CNGB1: variants seen among roughly 807,000 people sequenced by gnomAD.
CNGB1 encodes cyclic nucleotide gated channel subunit beta 1.
A neutral mutation model predicts 151.7 loss-of-function variants in CNGB1; 126 were observed. The ratio of observed to expected loss-of-function variants is 0.83; its 90% CI spans 0.72 to 0.96. CNGB1 has a LOEUF of 0.96. CNGB1 is among the 40% of genes least tolerant of loss of function. CNGB1 has a pLI of 0.00. For missense variants in CNGB1, 1,698 were observed against 1,627.0 expected (o/e 1.04, Z -0.75); for synonymous variants, 623 against 635.1 (o/e 0.98, Z 0.29).
rs1231250334 is a variant in CNGB1, at chr16:57,901,552, GA to G, written c.2867del (p.Ile956ThrfsTer15). On this transcript the variant is annotated frameshift_variant, in exon 28 of 33. Coordinates refer to ENST00000251102, the MANE Select transcript of CNGB1 (RefSeq NM_001297.5). LOFTEE classifies it high-confidence loss of function. ...CCTGAAAGAGTGCGACTTTGCTAAC[GA>G]TGTTGTAGTTCACGTCGATGGCGAG... ...LDLAIDVNYN[I>X]VSKVALFQGC... is the part of the protein sequence containing the mutation. 6 of 1,614,028 alleles carry G rather than the reference GA, an allele frequency of 3.7e-6. No homozygotes were observed. Among genetic ancestry groups the G allele is most frequent in the Non-Finnish European group, 4.2e-6 (5 of 1,180,012 alleles).
intron 17 of CNGB1, among the ~76,000 whole-genome samples, chr16:57,929,407 G>C (rs1250233447): frequency 6.6e-6 from 1 of 150,940 alleles, no homozygotes; most frequent in Non-Finnish European, 1.5e-5. Context: ...AAAGCAAAGG[G>C]GAAGCAAGGC....
At chr16:57,885,382 A>C (rs1182631802) in intron 32 of CNGB1, among the ~76,000 whole-genome samples, 2 of 152,066 alleles carry the variant, frequency 1.3e-5, no homozygotes, top group Non-Finnish European at 2.9e-5. Context: ...CAAGAACCCA[A>C]GGCCTCTCTT....
intron 14 of CNGB1, among the ~76,000 whole-genome samples, chr16:57,943,200 C>T (rs1339403103): frequency 6.6e-6 from 1 of 152,070 alleles, no homozygotes; most frequent in Non-Finnish European, 1.5e-5. Context: ...AGGAAAAAAA[C>T]TGATTTTAAA....
chr16:57,948,469 A>G (rs565209083), intron 14 of CNGB1, among the ~76,000 whole-genome samples: 4 of 151,820 alleles, frequency 2.6e-5, no homozygotes, highest in African/African-American at 9.7e-5. Context: ...TTCCTGAAAC[A>G]CTAACTTGGC....
rs773046751 is a variant in CNGB1 at position 57,964,539 on chromosome 16, G to C, written c.165C>G (p.Pro55=). ...CTTCCTCCTCCTTGAATGACTCTTC[G>C]GGGGGCTAGAGGGTTCGAACAGGAT... ...EAETESESMP[P]EESFKEEEVA... Residue 55 remains proline, a synonymous_variant, in exon 3 of 33, where the codon CCC becomes CCG. Coordinates refer to ENST00000251102, the MANE Select transcript of CNGB1 (RefSeq NM_001297.5). 6.2e-7 allele frequency: 1 copy of C among 1,614,046 alleles called. No homozygotes were observed. The highest frequency in any genetic ancestry group is 8.5e-7 in the Non-Finnish European group (1 of 1,180,004).
intron 20 of CNGB1, 122 bp downstream of exon 20, chr16:57,918,977 A>AT: frequency 6.5e-7 from 1 of 1,539,302 alleles, no homozygotes; most frequent in South Asian, 1.2e-5. Flanking sequence ...AAAGATCATG[A>AT]ACCCAGGTTG....
rs565087450 is a variant in CNGB1 at position 57,953,919 on chromosome 16, A to G, written c.875-3379T>C. On this transcript the variant is annotated intron_variant, in intron 12 of 32. Transcript: ENST00000251102. ...AAAAACAACACAGAACCAAATTCCC[A>G]GCTCCCGGTACTCTTGAATCAGAAA... is the stretch of plus-strand genomic sequence containing the variant. Among the ~76,000 whole-genome samples, 175 of 152,160 alleles carry G rather than the reference A, an allele frequency of 1.2e-3. 1 individual carries two copies. Among genetic ancestry groups the G allele is most frequent in the Non-Finnish European group, 5.6e-4 (38 of 67,998 alleles).
intron 14 of CNGB1, among the ~76,000 whole-genome samples, chr16:57,942,996 G>A (rs1961710593): frequency 6.6e-6 from 1 of 151,876 alleles, no homozygotes; most frequent in Non-Finnish European, 1.5e-5. Context: ...TTAAAAATAT[G>A]AACCCAAGAG....
At chr16:57,940,035 C>T (rs1426577083) in intron 15 of CNGB1, among the ~76,000 whole-genome samples, 199 bp downstream of exon 15, 1 of 152,184 alleles carries the variant, frequency 6.6e-6, no homozygotes, top group Non-Finnish European at 1.5e-5. Context: ...TGGGTCCACC[C>T]GTCTCCCCAC....
intron 8 of CNGB1, 96 bp from the exon 9 acceptor site, chr16:57,960,626 G>A: frequency 5.9e-6 from 9 of 1,520,360 alleles, no homozygotes; most frequent in Non-Finnish European, 8.1e-6. Flanking sequence ...CAAGGCGGGT[G>A]AGCCGGGGAT....
At chr16:57,922,761 A>G (rs1435005127) in intron 18 of CNGB1, among the ~76,000 whole-genome samples, 1 of 152,114 alleles carries the variant, frequency 6.6e-6, no homozygotes, top group Admixed American at 6.6e-5. Context: ...ATTGTTCTGC[A>G]GGCCAGCTGC....
At chr16:57,942,409 A>G (rs1961691973) in intron 14 of CNGB1, among the ~76,000 whole-genome samples, 1 of 152,234 alleles carries the variant, frequency 6.6e-6, no homozygotes, top group African/African-American at 2.4e-5. Context: ...CAACATAGAA[A>G]ATTCAGTAGC....
intron 26 of CNGB1, 37 bp from the exon 27 acceptor site, chr16:57,904,018 G>A: frequency 1.9e-6 from 3 of 1,592,468 alleles, no homozygotes; most frequent in Non-Finnish European, 1.7e-6. Flanking sequence ...GGAAGCCACT[G>A]GGTCATTGGG....
rs781549191 is a variant in CNGB1, at chr16:57,960,826, C to T, written c.534+14G>A. 1.2e-6 allele frequency: 2 copies of T among 1,613,222 alleles called. No individual in the cohort carries two copies. The highest frequency in any genetic ancestry group is 1.7e-6 in the Non-Finnish European group (2 of 1,179,682). ...CATATACTCAACTCCCTGCCTCTCC[C>T]TTCCTTGGCTCACCTCAGAGGATTT... On this transcript the variant is annotated intron_variant, in intron 8 of 32. Transcript: ENST00000251102.
At chr16:57,948,496 C>T (rs1170477496) in intron 14 of CNGB1, among the ~76,000 whole-genome samples, 1 of 152,060 alleles carries the variant, frequency 6.6e-6, no homozygotes, top group Non-Finnish European at 1.5e-5. Context: ...GCCCCATACT[C>T]TTCTTGTCTC....
rs1262911926 is a variant in CNGB1, at chr16:57,920,547, G to C, written c.1644-3C>G. On this transcript the variant is annotated splice_region_variant and splice_polypyrimidine_tract_variant and intron_variant, in intron 18 of 32. Transcript: ENST00000251102. ...TGGAGGCCGCACGGTCCTGGCCACT[G>C]TGGGAACATCACCCAAAGCTGAGCA... 2 of 1,611,966 alleles carry C rather than the reference G, an allele frequency of 1.2e-6. No homozygotes were observed. The highest frequency in any genetic ancestry group is 1.7e-5 in the Admixed American group (1 of 60,020).
chr16:57,960,385 C>A, intron 9 of CNGB1, 97 bp downstream of exon 9: 1 of 1,469,686 alleles, frequency 6.8e-7, no homozygotes, highest in South Asian at 1.2e-5. Flanking sequence ...TGGGTGGGGG[C>A]TAAGGGCCTC....
At chr16:57,948,343 T>A (rs1474187705) in intron 14 of CNGB1, among the ~76,000 whole-genome samples, 2 of 145,636 alleles carry the variant, frequency 1.4e-5, no homozygotes, top group Admixed American at 7.0e-5. Flanking sequence ...TAAGTAGAGA[T>A]GGGGTTTTGC....
chr16:57,903,053 G>T (rs1960432060), intron 27 of CNGB1, among the ~76,000 whole-genome samples: 1 of 152,064 alleles, frequency 6.6e-6, no homozygotes, highest in African/African-American at 2.4e-5. Context: ...TGCCCCAGGA[G>T]ATCCAGGGCT....
Sources: gnomAD v4.1 joint callset for allele counts (sites outside exome capture counted in the v4.1 genomes callset) on GRCh38, gnomAD v4.1.1 for gene constraint, MANE v1.5 for transcripts, NCBI Gene and HGNC (gene_info 2026-07-23, HGNC 2026-07-21) for gene names.